The following CAMK2D variants were observed in gnomAD, a reference collection of about 807,000 sequenced individuals.
The protein encoded by CAMK2D is calcium/calmodulin-dependent protein kinase type II subunit delta.
A neutral mutation model predicts 84.0 loss-of-function variants in CAMK2D; 37 were observed. The observed-to-expected ratio is 0.44, with a 90% CI of 0.34 to 0.58. The LOEUF (loss-of-function observed/expected upper bound fraction) is 0.58. Ranked by LOEUF, CAMK2D falls within the 20% of genes least tolerant of loss-of-function variation. The probability of loss-of-function intolerance (pLI) is 0.02; values close to 1 mark genes in which losing one functional copy is unlikely to be tolerated. For missense variants in CAMK2D, 448 were observed against 652.5 expected (o/e 0.69, Z 3.41); for synonymous variants, 202 against 212.5 (o/e 0.95, Z 0.43).
At chr4:113,581,529 A>AGAAAAAGAAAAG (rs1553973875) in intron 4 of CAMK2D, among the ~76,000 whole-genome samples, 13 of 121,888 alleles carry the variant, frequency 1.1e-4, no homozygotes, top group South Asian at 5.1e-4. Context: ...AAAAAAAAAA[A>AGAAAAAGAAAAG]AAAAGAAAAG....
At chr4:113,517,485 A>G (rs2098299738) in intron 9 of CAMK2D, 78 bp downstream of exon 9, 2 of 627,620 alleles carry the variant, frequency 3.2e-6, no homozygotes, top group Non-Finnish European at 5.6e-6. Flanking sequence ...GTTAAAAGAA[A>G]AATGAAAAGA....
At chr4:113,649,321 T>A (rs557783560) in intron 3 of CAMK2D, among the ~76,000 whole-genome samples, 1 of 152,332 alleles carries the variant, frequency 6.6e-6, no homozygotes, top group East Asian at 1.9e-4. Flanking sequence ...AATTAATTCT[T>A]TATTTTCTCC....
At chr4:113,692,134 T>G (rs1389866299) in intron 2 of CAMK2D, among the ~76,000 whole-genome samples, 1 of 152,200 alleles carries the variant, frequency 6.6e-6, no homozygotes, top group African/African-American at 2.4e-5. Context: ...GGTTCTTTCA[T>G]AAATTCCAGG....
intron 2 of CAMK2D, among the ~76,000 whole-genome samples, chr4:113,732,564 G>T (rs1345780396): frequency 6.6e-6 from 1 of 152,024 alleles, no homozygotes; most frequent in East Asian, 1.9e-4. Flanking sequence ...AATTCACTAT[G>T]GTATCAATTA....
At chr4:113,550,207 TCTCA>T (rs1000873848) in intron 5 of CAMK2D, among the ~76,000 whole-genome samples, 2 of 152,182 alleles carry the variant, frequency 1.3e-5, no homozygotes, top group African/African-American at 4.8e-5. Context: ...TGAGACAGGG[TCTCA>T]CTCTGTCGCC....
intron 2 of CAMK2D, among the ~76,000 whole-genome samples, chr4:113,690,240 C>G (rs746129783): frequency 5.3e-5 from 8 of 152,182 alleles, no homozygotes; most frequent in Admixed American, 3.3e-4. Flanking sequence ...TACCTCCATT[C>G]CTGAATTCAT....
intron 2 of CAMK2D, among the ~76,000 whole-genome samples, chr4:113,730,317 TC>T (rs2099562299): frequency 6.6e-6 from 1 of 152,352 alleles, no homozygotes; most frequent in African/African-American, 2.4e-5. Flanking sequence ...GTCTTGTGTT[TC>T]AATAGTAGTT....
intron 4 of CAMK2D, among the ~76,000 whole-genome samples, chr4:113,583,513 T>C (rs771695406): frequency 1.3e-5 from 2 of 152,172 alleles, no homozygotes; most frequent in African/African-American, 4.8e-5. Context: ...AAATGGGTAA[T>C]TATCACATGC....
At chr4:113,723,949 AC>A (rs1330421073) in intron 2 of CAMK2D, among the ~76,000 whole-genome samples, 1 of 152,134 alleles carries the variant, frequency 6.6e-6, no homozygotes, top group Non-Finnish European at 1.5e-5. Flanking sequence ...CCTTTTCAAT[AC>A]CTATCAGGGT....
chr4:113,568,797 G>A (rs2154219353), intron 4 of CAMK2D, among the ~76,000 whole-genome samples: 1 of 152,060 alleles, frequency 6.6e-6, no homozygotes, highest in East Asian at 1.9e-4. Flanking sequence ...TTTAGTGGGT[G>A]TGAAGTACTA....
chr4:113,735,723 G>T (rs2099579865), intron 2 of CAMK2D, among the ~76,000 whole-genome samples: 1 of 151,996 alleles, frequency 6.6e-6, no homozygotes. Context: ...ACAGTAAGGT[G>T]GCTCAGAAAT....
intron 5 of CAMK2D, 55 bp from the exon 6 acceptor site, chr4:113,547,771 G>T: frequency 8.6e-7 from 1 of 1,158,600 alleles, no homozygotes; most frequent in Non-Finnish European, 1.2e-6. Context: ...CTCACTGTCT[G>T]TATACCCTCA....
chr4:113,761,555 C>A lies in CAMK2D; in HGVS notation c.-487G>T. 1 of 986,566 alleles carries A rather than the reference C, an allele frequency of 1.0e-6. No individual in the cohort carries two copies. The allele number at this position is 986,566 out of a possible 1,614,324, so 61.1% of individuals were successfully genotyped here. A position where few individuals can be genotyped will look rare whatever the true frequency, so the allele number is the denominator to read the frequency against. On this transcript the variant is annotated 5_prime_UTR_variant, in exon 1 of 21. Transcript: ENST00000511664. ...AGGCCGCGGAGCCCAGAGCGGACAGCCTGAGCCCAGCGGCCGCTGTCAGCA... is the reference window on the plus strand; with the variant it reads ...AGGCCGCGGAGCCCAGAGCGGACAGACTGAGCCCAGCGGCCGCTGTCAGCA...
intron 2 of CAMK2D, among the ~76,000 whole-genome samples, chr4:113,687,987 G>A (rs970450427): frequency 4.6e-5 from 7 of 152,058 alleles, no homozygotes; most frequent in South Asian, 4.2e-4. Context: ...TACACACACG[G>A]AGAGAAATAA....
chr4:113,674,789 G>A (rs749768729), intron 2 of CAMK2D, among the ~76,000 whole-genome samples: 1 of 152,038 alleles, frequency 6.6e-6, no homozygotes, highest in African/African-American at 2.4e-5. Context: ...GGTGGCAAGG[G>A]AAGCCCCAGG....
chr4:113,463,438 G>A (rs2097417397), intron 17 of CAMK2D, among the ~76,000 whole-genome samples: 1 of 152,086 alleles, frequency 6.6e-6, no homozygotes, highest in Non-Finnish European at 1.5e-5. Context: ...GTGCAATGGT[G>A]CGATCTCAGC....
intron 2 of CAMK2D, among the ~76,000 whole-genome samples, chr4:113,713,687 C>T (rs1258533201): frequency 2.0e-5 from 3 of 151,284 alleles, no homozygotes; most frequent in Non-Finnish European, 4.4e-5. Context: ...CAACTTCAAT[C>T]AATTCTTATG....
chr4:113,692,636 TCATA>T (rs950850062), intron 2 of CAMK2D, among the ~76,000 whole-genome samples: 4 of 151,460 alleles, frequency 2.6e-5, no homozygotes, highest in Admixed American at 1.3e-4. Flanking sequence ...ATATATTCAT[TCATA>T]CATATTCATA....
chr4:113,461,026 A>C lies in CAMK2D; in HGVS notation c.1212-785T>G, dbSNP rs190581210. ...TTGATGGACCACATATCCTACATTC[A>C]TGTCAAACATGTATATTACAATTGA... On this transcript the variant is annotated intron_variant, in intron 17 of 20. Coordinates refer to ENST00000511664, the MANE Select transcript of CAMK2D (RefSeq NM_001321571.2). 5.5e-3 allele frequency among the ~76,000 whole-genome samples: 845 copies of C among 152,274 alleles called. 13 individuals carry two copies. Among genetic ancestry groups the C allele is most frequent in the African/African-American group, 0.019 (769 of 41,534 alleles).
Sources: allele counts gnomAD v4.1 joint callset (sites outside exome capture counted in the v4.1 genomes callset), GRCh38; gene constraint gnomAD v4.1.1; transcripts MANE v1.5; gene names NCBI Gene and HGNC (gene_info 2026-07-23, HGNC 2026-07-21).